LYZL4: variants seen among roughly 807,000 people sequenced by gnomAD.
LYZL4 encodes the protein lysozyme-like protein 4.
A neutral mutation model predicts 17.6 loss-of-function variants in LYZL4; 13 were observed. That is an observed-to-expected ratio of 0.74 (90% CI 0.48 to 1.18). The LOEUF (loss-of-function observed/expected upper bound fraction) is 1.18. Among genes scored for constraint, LYZL4 ranks in the 50% most tolerant of loss-of-function variants. LYZL4 has a pLI of 0.00. For missense variants in LYZL4, 174 were observed against 188.2 expected, an observed-to-expected ratio of 0.92 and a Z score of 0.44; for synonymous variants, 64 against 67.7, an observed-to-expected ratio of 0.95 and a Z score of 0.27.
chr3:42,410,100 A>G (rs1334528857), intron 1 of LYZL4, among the ~76,000 whole-genome samples: 1 of 152,134 alleles, frequency 6.6e-6, no homozygotes, highest in African/African-American at 2.4e-5. Context: ...TCTTCATACC[A>G]TTAATCAATA....
the LYZL4 span, among the ~76,000 whole-genome samples, chr3:42,388,155 G>A: frequency 6.6e-6 from 1 of 152,130 alleles, no homozygotes; most frequent in Non-Finnish European, 1.5e-5. Flanking sequence ...AAAACAAAAG[G>A]GGAGTCATAT....
chr3:42,393,337 G>GCGCACA (rs1553627599), downstream of LYZL4, among the ~76,000 whole-genome samples: 1 of 148,814 alleles, frequency 6.7e-6, no homozygotes, highest in African/African-American at 2.5e-5. Context: ...GTGTGCGCGT[G>GCGCACA]CACACACACA....
At chr3:42,375,509 C>G in the LYZL4 span, among the ~76,000 whole-genome samples, 1 of 152,168 alleles carries the variant, frequency 6.6e-6, no homozygotes, top group Non-Finnish European at 1.5e-5. Context: ...CAGCTTTCAT[C>G]TTGTCTACAT....
chr3:42,363,702 G>C, the LYZL4 span, among the ~76,000 whole-genome samples: 1 of 152,198 alleles, frequency 6.6e-6, no homozygotes, highest in Non-Finnish European at 1.5e-5. Context: ...CAGAAGAATT[G>C]AGGTAACAGA....
the LYZL4 span, among the ~76,000 whole-genome samples, chr3:42,387,494 G>A: frequency 6.6e-6 from 1 of 152,236 alleles, no homozygotes; most frequent in African/African-American, 2.4e-5. Flanking sequence ...CAAGGCTGTG[G>A]AGGGAGAGCC....
chr3:42,400,916 C>A (rs558644506), intron 4 of LYZL4, among the ~76,000 whole-genome samples: 46 of 152,212 alleles, frequency 3.0e-4, no homozygotes, highest in African/African-American at 1.1e-3. Context: ...TCATGCACTC[C>A]ATTGGTTCAG....
intron 4 of LYZL4, among the ~76,000 whole-genome samples, chr3:42,399,626 T>C (rs955396055): frequency 2.0e-5 from 3 of 152,152 alleles, no homozygotes; most frequent in African/African-American, 4.8e-5. Flanking sequence ...AAAATATCTG[T>C]GGGTACATTT....
downstream of LYZL4, among the ~76,000 whole-genome samples, chr3:42,395,547 T>C (rs1218687718): frequency 6.6e-6 from 1 of 152,208 alleles, no homozygotes; most frequent in Non-Finnish European, 1.5e-5. Flanking sequence ...AAGTTTCTTT[T>C]CCTAAGTCAG....
chr3:42,386,655 A>C, the LYZL4 span, among the ~76,000 whole-genome samples: 2 of 152,140 alleles, frequency 1.3e-5, no homozygotes, highest in African/African-American at 4.8e-5. Flanking sequence ...TGATTTCACT[A>C]TTCTCTCCCT....
the LYZL4 span, among the ~76,000 whole-genome samples, chr3:42,377,097 G>A: frequency 6.6e-6 from 1 of 152,154 alleles, no homozygotes. Flanking sequence ...ATGGGGCAAA[G>A]GGCTGCAGGA....
At chr3:42,379,460 A>T in the LYZL4 span, among the ~76,000 whole-genome samples, 1 of 152,208 alleles carries the variant, frequency 6.6e-6, no homozygotes, top group African/African-American at 2.4e-5. Context: ...AGGGGCATTG[A>T]CCTTGCCTCT....
chr3:42,365,706 T>C, the LYZL4 span, among the ~76,000 whole-genome samples: 1 of 152,172 alleles, frequency 6.6e-6, no homozygotes, highest in South Asian at 2.1e-4. Flanking sequence ...GGATATATAC[T>C]ACTACTACAG....
chr3:42,367,397 T>A, the LYZL4 span, among the ~76,000 whole-genome samples: 4 of 152,116 alleles, frequency 2.6e-5, no homozygotes, highest in Admixed American at 6.5e-5. Flanking sequence ...TAGCTCCCCA[T>A]CAAGGAAGCA....
chr3:42,379,176 T>G, the LYZL4 span, among the ~76,000 whole-genome samples: 3 of 152,174 alleles, frequency 2.0e-5, no homozygotes, highest in African/African-American at 7.2e-5. Context: ...TGGCATCAAC[T>G]GGGACAGCTG....
At chr3:42,369,442 C>T in the LYZL4 span, among the ~76,000 whole-genome samples, 1 of 152,242 alleles carries the variant, frequency 6.6e-6, no homozygotes, top group Admixed American at 6.5e-5. Context: ...TGAAGTGAGG[C>T]TGTCACCTAG....
the LYZL4 span, among the ~76,000 whole-genome samples, chr3:42,387,454 C>T: frequency 6.6e-6 from 1 of 152,182 alleles, no homozygotes; most frequent in Non-Finnish European, 1.5e-5. Context: ...AACAGTTTGA[C>T]TTCTGTGAAG....
the LYZL4 span, among the ~76,000 whole-genome samples, chr3:42,369,768 G>T: frequency 1.3e-5 from 2 of 152,164 alleles, no homozygotes; most frequent in South Asian, 2.1e-4. Flanking sequence ...CACAACCCCT[G>T]CATGATCTGA....
chr3:42,390,094 A>G, the LYZL4 span, among the ~76,000 whole-genome samples: 2 of 152,154 alleles, frequency 1.3e-5, no homozygotes, highest in Non-Finnish European at 2.9e-5. Flanking sequence ...ATCTATGCTG[A>G]TTTATGGGAG....
chr3:42,407,451 G>A, intron 1 of LYZL4, 108 bp from the exon 2 acceptor site: 1 of 651,440 alleles, frequency 1.5e-6, no homozygotes. Context: ...TCGTGTCACT[G>A]CAAATCTGGG....
Sources: allele counts gnomAD v4.1 joint callset (sites outside exome capture counted in the v4.1 genomes callset), GRCh38; gene constraint gnomAD v4.1.1; transcripts MANE v1.5; gene names NCBI Gene and HGNC (gene_info 2026-07-23, HGNC 2026-07-21).